Variants in RBFOX1 observed in about 807,000 individuals in gnomAD.
RBFOX1 encodes the protein RNA binding fox-1 homolog 1, also known as RNA binding protein fox-1 homolog 1.
RBFOX1 carries 8 observed loss-of-function variants against 57.7 expected under a neutral mutation model. The ratio of observed to expected loss-of-function variants is 0.14; its 90% CI spans 0.08 to 0.25. The LOEUF is 0.25. Ranked by LOEUF, RBFOX1 falls within the 10% of genes least tolerant of loss-of-function variation. RBFOX1 has a pLI of 1.00. For missense variants in RBFOX1, 611 were observed against 548.5 expected (o/e 1.11, Z -1.14); for synonymous variants, 326 against 222.4 (o/e 1.47, Z -4.15).
chr16:7,391,632 G>GT (rs2098024960), intron 4 of RBFOX1, among the ~76,000 whole-genome samples: 1 of 152,114 alleles, frequency 6.6e-6, no homozygotes, highest in Non-Finnish European at 1.5e-5. Flanking sequence ...CATCATTTCA[G>GT]TTTTACAACT....
At chr16:6,308,424 TAAA>T (rs2079805935) in intron 1 of RBFOX1, among the ~76,000 whole-genome samples, 1 of 152,230 alleles carries the variant, frequency 6.6e-6, no homozygotes, top group Non-Finnish European at 1.5e-5. Context: ...AACACTTACA[TAAA>T]TGAATGCACA....
At chr16:7,173,642 TA>T (rs1447485629) in intron 4 of RBFOX1, among the ~76,000 whole-genome samples, 8 of 152,146 alleles carry the variant, frequency 5.3e-5, no homozygotes, top group African/African-American at 1.9e-4. Flanking sequence ...GTAAAGATAT[TA>T]GGAGGTGGTA....
chr16:6,656,428 G>C (rs1388817992), intron 3 of RBFOX1, among the ~76,000 whole-genome samples: 1 of 152,118 alleles, frequency 6.6e-6, no homozygotes, highest in Non-Finnish European at 1.5e-5. Context: ...TGGGCAAGGA[G>C]AGTCACCCAA....
At chr16:6,379,725 G>A (rs1050869393) in intron 2 of RBFOX1, among the ~76,000 whole-genome samples, 2 of 152,146 alleles carry the variant, frequency 1.3e-5, no homozygotes, top group South Asian at 4.2e-4. Context: ...AATCATGATG[G>A]TGGGAATATG....
At chr16:6,541,035 G>A (rs1311173631) in intron 2 of RBFOX1, among the ~76,000 whole-genome samples, 1 of 152,174 alleles carries the variant, frequency 6.6e-6, no homozygotes, top group Non-Finnish European at 1.5e-5. Flanking sequence ...CTTATATAAA[G>A]AGGGATCCTA....
At chr16:6,474,962 C>G (rs766766792) in intron 2 of RBFOX1, among the ~76,000 whole-genome samples, 1 of 152,138 alleles carries the variant, frequency 6.6e-6, no homozygotes, top group South Asian at 2.1e-4. Context: ...ATAAACTGAC[C>G]TTGTACATTT....
intron 3 of RBFOX1, among the ~76,000 whole-genome samples, chr16:7,009,451 C>A (rs1028208668): frequency 1.3e-5 from 2 of 151,892 alleles, no homozygotes; most frequent in South Asian, 2.1e-4. Context: ...ATCACTAACA[C>A]ACGGCCATAG....
intron 2 of RBFOX1, among the ~76,000 whole-genome samples, chr16:6,605,266 A>ATG (rs141913543): frequency 1.7e-4 from 12 of 69,892 alleles, no homozygotes; most frequent in Non-Finnish European, 2.7e-5. Context: ...AAACCAACAC[A>ATG]TACAATTAAA....
chr16:5,641,144 TACAC>T (rs911703644), intron 3 of RBFOX1, among the ~76,000 whole-genome samples: 3 of 148,306 alleles, frequency 2.0e-5, no homozygotes, highest in African/African-American at 7.5e-5. Flanking sequence ...ACACCATGAA[TACAC>T]ACACATGCAT....
intron 4 of RBFOX1, among the ~76,000 whole-genome samples, chr16:7,294,568 A>G (rs1293128142): frequency 6.6e-6 from 1 of 152,028 alleles, no homozygotes; most frequent in Non-Finnish European, 1.5e-5. Context: ...TCTTTTGAAA[A>G]GCTTAGGGCA....
At chr16:6,734,312 A>G (rs539102356) in intron 3 of RBFOX1, among the ~76,000 whole-genome samples, 2 of 152,316 alleles carry the variant, frequency 1.3e-5, no homozygotes, top group South Asian at 2.1e-4. Context: ...TGCTTTGTTC[A>G]GAAGGCAAAA....
At chr16:6,444,288 A>T (rs151031005) in intron 2 of RBFOX1, among the ~76,000 whole-genome samples, 1 of 152,032 alleles carries the variant, frequency 6.6e-6, no homozygotes, top group African/African-American at 2.4e-5. Flanking sequence ...CACATGGTGG[A>T]CGCCCAAGGG....
rs1332577838 is a variant in RBFOX1, at chr16:5,896,356, C to T, written c.351+29021C>T. 6.6e-5 allele frequency among the ~76,000 whole-genome samples: 10 copies of T among 152,290 alleles called. No homozygotes were observed. The East Asian group carries it at 1.9e-3, about 29-fold the overall frequency. On this transcript the variant is annotated intron_variant, in intron 4 of 19. Transcript: ENST00000641259. ...TTTCATGAATATATTAATCCCCTCC[C>T]TGTGGGGTGGGAGGATAGTGAGTTC... is the stretch of plus-strand genomic sequence containing the variant.
intron 4 of RBFOX1, among the ~76,000 whole-genome samples, chr16:7,334,153 G>C (rs751378382): frequency 6.6e-6 from 1 of 152,018 alleles, no homozygotes; most frequent in Non-Finnish European, 1.5e-5. Flanking sequence ...GTTACCTTTT[G>C]TTAAGTGTAC....
At chr16:5,556,655 G>T (rs2045688770) in intron 2 of RBFOX1, among the ~76,000 whole-genome samples, 1 of 152,190 alleles carries the variant, frequency 6.6e-6, no homozygotes, top group Admixed American at 6.5e-5. Flanking sequence ...GCTGCAGACT[G>T]ACTCTCACCC....
intron 4 of RBFOX1, among the ~76,000 whole-genome samples, chr16:5,906,197 G>T (rs556832755): frequency 6.6e-6 from 1 of 152,262 alleles, no homozygotes; most frequent in East Asian, 1.9e-4. Flanking sequence ...CTCAGACTGT[G>T]TCCTTATTTG....
At chr16:5,865,584 G>A (rs972995589) in intron 3 of RBFOX1, among the ~76,000 whole-genome samples, 4 of 152,196 alleles carry the variant, frequency 2.6e-5, no homozygotes, top group Non-Finnish European at 2.9e-5. Context: ...GGGAGTGAGT[G>A]TGGGAGAGTT....
chr16:6,252,824 G>T, intron 1 of RBFOX1, among the ~76,000 whole-genome samples: 1 of 152,174 alleles, frequency 6.6e-6, no homozygotes, highest in African/African-American at 2.4e-5. Context: ...ACCACATTCT[G>T]AACATGTTGC....
chr16:7,162,955 A>T (rs1411376064), intron 4 of RBFOX1, among the ~76,000 whole-genome samples: 1 of 152,136 alleles, frequency 6.6e-6, no homozygotes, highest in Non-Finnish European at 1.5e-5. Flanking sequence ...ACCTGACCTA[A>T]TGACCTTGGG....
Sources: gnomAD v4.1 joint callset for allele counts (sites outside exome capture counted in the v4.1 genomes callset) on GRCh38, gnomAD v4.1.1 for gene constraint, MANE v1.5 for transcripts, NCBI Gene and HGNC (gene_info 2026-07-23, HGNC 2026-07-21) for gene names.